CNIH3: variants seen among roughly 807,000 people sequenced by gnomAD.
CNIH3 encodes the protein protein cornichon homolog 3.
A neutral mutation model predicts 24.1 loss-of-function variants in CNIH3; 14 were observed. The observed-to-expected ratio is 0.58, with a 90% confidence interval of 0.38 to 0.91. CNIH3 has a LOEUF of 0.91. CNIH3 is among the 40% of genes least tolerant of loss of function. The pLI is 0.00. For synonymous variants in CNIH3, 68 were observed against 73.8 expected, an observed-to-expected ratio of 0.92 and a Z score of 0.40; for missense variants, 178 against 196.8, an observed-to-expected ratio of 0.90 and a Z score of 0.57.
At position 224,628,767 on chromosome 1, in the gene CNIH3, G is replaced by A. The variant is rs540499482; in HGVS notation, c.81+11512G>A. Among the ~76,000 whole-genome samples, 3 of 152,050 alleles carry A rather than the reference G, an allele frequency of 2.0e-5. No homozygotes were observed. The East Asian group carries it at 5.9e-4, about 30-fold the overall frequency. On this transcript the variant is annotated intron_variant, in intron 1 of 5. Transcript: ENST00000272133. ...TTAGGCCATGAGGGGAAGGGAGGTG[G>A]GACATGTGTCATTATGCCCTCCTCC...
rs1027781447 is a variant in CNIH3, at chr1:224,667,755, A to AT, written c.82-13203_82-13202insT. Reference sequence around the variant, plus strand: ...GTCAAGGAGGGCAGTCAGTCCAATAAAAAAAAAAAAAACCCATGACTACAA... The same window carrying AT: ...GTCAAGGAGGGCAGTCAGTCCAATAATAAAAAAAAAAAACCCATGACTACAA... On this transcript the variant is annotated intron_variant, in intron 1 of 5. Coordinates refer to ENST00000272133, the MANE Select transcript of CNIH3 (RefSeq NM_152495.2). Among the ~76,000 whole-genome samples, 5 of 120,582 alleles carry AT rather than the reference A, an allele frequency of 4.1e-5. No individual in the cohort carries two copies. The East Asian group carries it at 1.5e-3, about 36-fold the overall frequency. The allele number at this position is 120,582 out of a possible 152,430, so 79.1% of individuals were successfully genotyped here.
At chr1:224,574,634 G>T in intron 4 of CNIH3, 1 of 877,356 alleles carries the variant, frequency 1.1e-6, no homozygotes, top group South Asian at 1.3e-5. Flanking sequence ...GGGAGCAGGT[G>T]GTGAAGTGTG....
chr1:224,437,898 T>C (rs1336999138), intron 1 of CNIH3, among the ~76,000 whole-genome samples: 2 of 144,718 alleles, frequency 1.4e-5, no homozygotes, highest in African/African-American at 5.2e-5. Context: ...AAATCACTAG[T>C]ACTGCCCACG....
intron 3 of CNIH3, among the ~76,000 whole-genome samples, chr1:224,698,188 G>C (rs1403141952): frequency 2.0e-5 from 3 of 152,304 alleles, no homozygotes; most frequent in South Asian, 4.1e-4. Flanking sequence ...CCCAGCAGTA[G>C]ACAAGAAAAT....
chr1:224,611,105 C>A (rs903348258), intron 3 of CNIH3, among the ~76,000 whole-genome samples: 1 of 151,626 alleles, frequency 6.6e-6, no homozygotes, highest in Admixed American at 6.5e-5. Flanking sequence ...TAGGTAGTGG[C>A]GGCCAAATGT....
At chr1:224,570,771 C>T (rs542199734) in intron 4 of CNIH3, among the ~76,000 whole-genome samples, 1 of 152,178 alleles carries the variant, frequency 6.6e-6, no homozygotes, top group African/African-American at 2.4e-5. Flanking sequence ...ATCTTTCTTA[C>T]TGAATGTTAT....
intron 5 of CNIH3, among the ~76,000 whole-genome samples, chr1:224,738,261 A>C (rs1479003080): frequency 6.6e-6 from 1 of 152,210 alleles, no homozygotes; most frequent in Admixed American, 6.5e-5. Flanking sequence ...AACGAATGAA[A>C]GTGAGTAAAC....
chr1:224,652,027 T>C (rs1684882857), intron 1 of CNIH3, among the ~76,000 whole-genome samples: 1 of 152,162 alleles, frequency 6.6e-6, no homozygotes, highest in Admixed American at 6.5e-5. Flanking sequence ...GATACCTCCT[T>C]GTCACCCTTG....
chr1:224,659,525 G>T (rs1391257910), intron 1 of CNIH3, among the ~76,000 whole-genome samples: 1 of 149,182 alleles, frequency 6.7e-6, no homozygotes, highest in Non-Finnish European at 1.5e-5. Flanking sequence ...CAAACCTGAT[G>T]GGAAAAGAGT....
At chr1:224,713,092 A>G (rs1688241965) in intron 3 of CNIH3, among the ~76,000 whole-genome samples, 1 of 152,232 alleles carries the variant, frequency 6.6e-6, no homozygotes, top group Non-Finnish European at 1.5e-5. Context: ...CTTGTTGTTG[A>G]ATGTTCCTTT....
intron 3 of CNIH3, among the ~76,000 whole-genome samples, chr1:224,600,400 C>T (rs1416520313): frequency 6.6e-6 from 1 of 152,142 alleles, no homozygotes; most frequent in Non-Finnish European, 1.5e-5. Flanking sequence ...CCTTGTTGGT[C>T]AGGCTGGTCT....
chr1:224,596,514 A>G (rs1242644549), intron 3 of CNIH3, among the ~76,000 whole-genome samples: 2 of 152,216 alleles, frequency 1.3e-5, no homozygotes, highest in Non-Finnish European at 2.9e-5. Flanking sequence ...CAACTCCATT[A>G]TGTAGTCCAT....
At chr1:224,627,414 C>T (rs1307803976) in intron 1 of CNIH3, among the ~76,000 whole-genome samples, 4 of 152,114 alleles carry the variant, frequency 2.6e-5, no homozygotes, top group Non-Finnish European at 5.9e-5. Context: ...TTAGTAGAGA[C>T]GGGGTTTCAC....
chr1:224,502,740 C>T (rs1413050383), intron 1 of CNIH3, among the ~76,000 whole-genome samples: 1 of 152,192 alleles, frequency 6.6e-6, no homozygotes, highest in East Asian at 1.9e-4. Context: ...GTTTTCACCG[C>T]TGGGTGTTTT....
chr1:224,533,245 CA>C (rs112099601), intron 2 of CNIH3, among the ~76,000 whole-genome samples: 42,928 of 139,928 alleles, frequency 0.31, 7,914 homozygotes, highest in African/African-American at 0.55. Flanking sequence ...CATGTCTCTA[CA>C]AAAAAAAAAA....
Position 224,739,474 on chromosome 1 carries a change from G to A in CNIH3, c.*118G>A. 1 of 1,548,530 alleles carries A rather than the reference G, an allele frequency of 6.5e-7. No homozygotes were observed. The highest frequency in any genetic ancestry group is 1.2e-5 in the South Asian group (1 of 80,658). ...TGAGGATACGTGAGAAATAGACCCG[G>A]CAGGCAGTCAGACTGAATGGGAGCT... On this transcript the variant is annotated 3_prime_UTR_variant, in exon 6 of 6. Transcript: ENST00000272133.
At chr1:224,663,361 C>G (rs146568435) in intron 1 of CNIH3, among the ~76,000 whole-genome samples, 1 of 152,172 alleles carries the variant, frequency 6.6e-6, no homozygotes, top group Admixed American at 6.5e-5. Context: ...ACAGCTATGT[C>G]GACGTATGCA....
rs1026449531 is a variant in CNIH3 at position 224,645,706 on chromosome 1, G to A, written c.81+28451G>A. Reference sequence around the variant, plus strand: ...TGGCCAGCGGATATTCACATCTGTTGGAGCCTAGAAACCTAAAGAAAAGCA... The same window carrying A: ...TGGCCAGCGGATATTCACATCTGTTAGAGCCTAGAAACCTAAAGAAAAGCA... On this transcript the variant is annotated intron_variant, in intron 1 of 5. Coordinates refer to ENST00000272133, the MANE Select transcript of CNIH3 (RefSeq NM_152495.2). Among the ~76,000 whole-genome samples, 10 of 152,316 alleles carry A rather than the reference G, an allele frequency of 6.6e-5. No homozygotes were observed. The East Asian group carries it at 1.4e-3, about 21-fold the overall frequency.
chr1:224,610,892 C>G (rs1682662237), intron 3 of CNIH3, among the ~76,000 whole-genome samples: 1 of 152,172 alleles, frequency 6.6e-6, no homozygotes, highest in Non-Finnish European at 1.5e-5. Flanking sequence ...AAAGCACTGT[C>G]TCTCTTATAC....
Sources: gnomAD v4.1 joint callset for allele counts (sites outside exome capture counted in the v4.1 genomes callset) on GRCh38, gnomAD v4.1.1 for gene constraint, MANE v1.5 for transcripts, NCBI Gene and HGNC (gene_info 2026-07-23, HGNC 2026-07-21) for gene names.